TMEM126B: variants seen among roughly 807,000 people sequenced by gnomAD.
TMEM126B encodes complex I assembly factor TMEM126B, mitochondrial.
Under a neutral mutation model 16.5 loss-of-function variants are expected in TMEM126B, and 19 were observed. That is an observed-to-expected ratio of 1.15 (90% confidence interval 0.80 to 1.69). The LOEUF (loss-of-function observed/expected upper bound fraction) is 1.69, where lower values mean the gene tolerates loss of function less well. Ranked by LOEUF, TMEM126B falls within the 40% of genes most tolerant of loss-of-function variation. The pLI, the probability that TMEM126B is intolerant of heterozygous loss-of-function variation, is 0.00. For missense variants in TMEM126B, 293 were observed against 278.7 expected (o/e 1.05, Z -0.37); for synonymous variants, 104 against 93.2 (o/e 1.12, Z -0.67).
chr11:85,630,282 T>C (rs2082265675), intron 1 of TMEM126B, among the ~76,000 whole-genome samples: 1 of 152,336 alleles, frequency 6.6e-6, no homozygotes, highest in African/African-American at 2.4e-5. Context: ...ACCACTGATT[T>C]ATTAAGTATC....
chr11:85,631,089 G>A (rs1445761854), intron 1 of TMEM126B: 3 of 1,255,972 alleles, frequency 2.4e-6, no homozygotes, highest in Non-Finnish European at 3.1e-6. Context: ...CCCTCTTTCT[G>A]ATTTTTCTCT....
At chr11:85,630,382 T>C (rs572423795) in intron 1 of TMEM126B, among the ~76,000 whole-genome samples, 1 of 152,350 alleles carries the variant, frequency 6.6e-6, no homozygotes, top group Non-Finnish European at 1.5e-5. Flanking sequence ...ATATAAACAT[T>C]AAAATTGAGA....
intron 3 of TMEM126B, chr11:85,634,540 T>C (rs2082364234): frequency 5.6e-6 from 2 of 355,058 alleles, no homozygotes; most frequent in Non-Finnish European, 1.0e-5. Flanking sequence ...GGAAAAGAAT[T>C]GGCTGTGGCA....
rs759406244 is a variant in TMEM126B, at chr11:85,636,099, C to A, written c.563C>A (p.Thr188Lys). The A allele has an allele frequency of 6.2e-7, 1 of 1,610,350 alleles. No homozygotes were observed. The highest frequency in any genetic ancestry group is 2.2e-5 in the East Asian group (1 of 44,790). The change falls in exon 5 of 5, where the codon ACG becomes AAG. Residue 188 changes from threonine to lysine, a missense_variant. By Grantham distance (78) the Thr-to-Lys change is moderately conservative. Coordinates refer to ENST00000358867, the MANE Select transcript of TMEM126B (RefSeq NM_018480.7). ...PKGRVLIHWMTLCQTQMKLMA... is the reference protein window; with the variant it reads ...PKGRVLIHWMKLCQTQMKLMA... The stretch of plus-strand genomic sequence containing the variant: ...GGAAGGGTTTTAATCCATTGGATGA[C>A]GCTTTGTCAAACACAAATGAAATTA...
intron 2 of TMEM126B, among the ~76,000 whole-genome samples, chr11:85,632,596 A>ATTATT (rs146901763): frequency 0.059 from 8,931 of 151,864 alleles, 830 homozygotes; most frequent in African/African-American, 0.21. Context: ...TCTTGGACAA[A>ATTATT]TTATTTTATT....
At chr11:85,635,594 C>A in intron 3 of TMEM126B, 73 bp from the exon 4 acceptor site, 2 of 985,272 alleles carry the variant, frequency 2.0e-6, no homozygotes, top group Non-Finnish European at 1.6e-6. Context: ...CAGATAACTA[C>A]TCTGTGAGGT....
chr11:85,630,818 C>T (rs1338100403), intron 1 of TMEM126B, among the ~76,000 whole-genome samples: 1 of 152,206 alleles, frequency 6.6e-6, no homozygotes, highest in Admixed American at 6.5e-5. Context: ...AATCCCAGCA[C>T]TTTGGGAGGC....
rs1407234447 is a variant in TMEM126B at position 85,631,143 on chromosome 11, AG to A, written c.82-542del. The stretch of plus-strand genomic sequence containing the variant: ...AATCCCTGCTCTCTCCTACCTCTCT[AG>A]GAAATGAAACACGATTTCCAAAATG... On this transcript the variant is annotated intron_variant, in intron 1 of 4. Coordinates refer to ENST00000358867, the MANE Select transcript of TMEM126B (RefSeq NM_018480.7). The A allele has an allele frequency of 3.1e-6, 4 of 1,290,198 alleles. No individual in the cohort carries two copies. In the East Asian group the frequency reaches 2.2e-4, roughly 72 times the overall value. The allele number at this position is 1,290,198 out of a possible 1,614,324, so 79.9% of individuals were successfully genotyped here.
rs541643795 is a variant in TMEM126B at position 85,632,982 on chromosome 11, G to A, written c.204-1104G>A. Among the ~76,000 whole-genome samples the A allele has an allele frequency of 3.3e-5, 5 of 152,134 alleles. 1 individual carries two copies. The South Asian group carries it at 1.0e-3, about 32-fold the overall frequency. On this transcript the variant is annotated intron_variant, in intron 2 of 4. Transcript: ENST00000358867. ...CCCACCCCACAACAGTCCCCAGAGTGTGATGTTCCCCTTCCTGTGTCCATG... is the reference window on the plus strand; with the variant it reads ...CCCACCCCACAACAGTCCCCAGAGTATGATGTTCCCCTTCCTGTGTCCATG...
intron 3 of TMEM126B, chr11:85,634,921 T>C (rs2082371429): frequency 6.6e-6 from 1 of 152,296 alleles, no homozygotes; most frequent in Admixed American, 6.5e-5. Flanking sequence ...TAGTTTATCT[T>C]CAAAGTATTG....
Position 85,636,285 on chromosome 11 carries a change from C to A in TMEM126B, c.*56C>A. Reference sequence around the variant, plus strand: ...AAATGAAGTTTCTATAAAGAGGACTCAGGCATTGCTGAAAGAGTTAAAAGT... The same window carrying A: ...AAATGAAGTTTCTATAAAGAGGACTAAGGCATTGCTGAAAGAGTTAAAAGT... On this transcript the variant is annotated 3_prime_UTR_variant, in exon 5 of 5. Transcript: ENST00000358867. The A allele has an allele frequency of 7.8e-7, 1 of 1,274,984 alleles. No individual in the cohort carries two copies. Among genetic ancestry groups the A allele is most frequent in the East Asian group, 2.6e-5 (1 of 38,326 alleles). The allele number at this position is 1,274,984 out of a possible 1,614,324, so 79.0% of individuals were successfully genotyped here.
intron 2 of TMEM126B, among the ~76,000 whole-genome samples, chr11:85,632,028 T>C (rs916842673): frequency 2.0e-5 from 3 of 152,216 alleles, no homozygotes; most frequent in Admixed American, 6.5e-5. Flanking sequence ...GATAATTTCT[T>C]TTGTTTCTTA....
In TMEM126B at chr11:85,633,356, T is replaced by G. The variant is rs1307718075; in HGVS notation, c.204-730T>G. Among the ~76,000 whole-genome samples the G allele has an allele frequency of 7.9e-5, 12 of 152,342 alleles. No homozygotes were observed. In the East Asian group the frequency reaches 2.3e-3, roughly 29 times the overall value. On this transcript the variant is annotated intron_variant, in intron 2 of 4. Transcript: ENST00000358867. ...CTGGGTCAAATGGTATTTCTAGTTCTAGATCCCTGAGGAATCGTGACACTG... is the reference window on the plus strand; with the variant it reads ...CTGGGTCAAATGGTATTTCTAGTTCGAGATCCCTGAGGAATCGTGACACTG...
At position 85,634,144 on chromosome 11, in the gene TMEM126B, T is replaced by C. The variant is rs1192985571; in HGVS notation, c.262T>C (p.Phe88Leu). Residue 88 changes from phenylalanine to leucine, a missense_variant, in exon 3 of 5, where the codon TTC (phenylalanine) becomes CTC (leucine). Phe to Leu is a conservative substitution (Grantham distance 22, BLOSUM62 0). Transcript: ENST00000358867. ...AACAACAGCTGGTTTCTCTGGAATA[T>C]TCTCAAACTTCCTGTTCAGACGCTG... is the stretch of plus-strand genomic sequence containing the variant. ...FGTTAGFSGI[F>L]SNFLFRRCFK... 1.2e-6 allele frequency: 2 copies of C among 1,613,740 alleles called. No homozygotes were observed. Among genetic ancestry groups the C allele is most frequent in the African/African-American group, 2.7e-5 (2 of 74,928 alleles).
At chr11:85,634,380 A>G (rs2082361027) in intron 3 of TMEM126B, 101 bp downstream of exon 3, 4 of 844,812 alleles carry the variant, frequency 4.7e-6, no homozygotes, top group Admixed American at 5.4e-5. Context: ...TTACATTTAT[A>G]TATTGCTATA....
chr11:85,629,104 C>T (rs763155508), intron 1 of TMEM126B: 2 of 680,556 alleles, frequency 2.9e-6, no homozygotes, highest in South Asian at 1.4e-5. Context: ...GTTTATGTCA[C>T]TCTCTCATTC....
At chr11:85,631,132 C>T (rs1304368457) in intron 1 of TMEM126B, 2 of 1,281,290 alleles carry the variant, frequency 1.6e-6, no homozygotes, top group Non-Finnish European at 2.0e-6. Context: ...CCTGCTCTCT[C>T]CTACCTCTCT....
In TMEM126B at chr11:85,634,175, A is replaced by G. The variant is rs2082356561; in HGVS notation, c.293A>G (p.Lys98Arg). The G allele has an allele frequency of 5.6e-6, 9 of 1,613,800 alleles. No individual in the cohort carries two copies. Among genetic ancestry groups the G allele is most frequent in the Middle Eastern group, 3.3e-4 (2 of 6,056 alleles). ...FSNFLFRRCF[K>R]VKHDALKTYA... ...AACTTCCTGTTCAGACGCTGCTTCA[A>G]GGTTAAACATGATGCTTTGAAGACA... Residue 98 changes from lysine to arginine, a missense_variant, in exon 3 of 5, where the codon AAG becomes AGG. Coordinates refer to ENST00000358867, the MANE Select transcript of TMEM126B (RefSeq NM_018480.7).
Position 85,636,419 on chromosome 11 carries a change from A to T in TMEM126B, c.*190A>T. The T allele has an allele frequency of 2.6e-6, 1 of 377,616 alleles. No individual in the cohort carries two copies. Among genetic ancestry groups the T allele is most frequent in the Non-Finnish European group, 4.7e-6 (1 of 212,756 alleles). The allele number at this position is 377,616 out of a possible 1,614,324, so 23.4% of individuals were successfully genotyped here. A position where few individuals can be genotyped will look rare whatever the true frequency, so the allele number is the denominator to read the frequency against. ...ATATAAGTTTCATCTTACACGTAAG[A>T]TACAGGTCTTATCTCCTGATGGTGT... On this transcript the variant is annotated 3_prime_UTR_variant, in exon 5 of 5. Coordinates refer to ENST00000358867, the MANE Select transcript of TMEM126B (RefSeq NM_018480.7).
Sources: gnomAD v4.1 joint callset for allele counts (sites outside exome capture counted in the v4.1 genomes callset) on GRCh38, gnomAD v4.1.1 for gene constraint, MANE v1.5 for transcripts, NCBI Gene and HGNC (gene_info 2026-07-23, HGNC 2026-07-21) for gene names.